The following C5AR2 variants were observed in gnomAD, a reference collection of about 807,000 sequenced individuals.
C5AR2 encodes the protein complement C5a receptor 2, also known as C5a anaphylatoxin chemotactic receptor 2.
For missense variants in C5AR2, 458 were observed against 467.5 expected (o/e 0.98, Z 0.19); for synonymous variants, 224 against 216.5 (o/e 1.03, Z -0.30).
At chr19:47,333,336 A>G (rs906977639) in intron 1 of C5AR2, among the ~76,000 whole-genome samples, 1 of 152,012 alleles carries the variant, frequency 6.6e-6, no homozygotes, top group Non-Finnish European at 1.5e-5. Context: ...ATCTGTCCAC[A>G]TTCTTGTGTG....
intron 1 of C5AR2, among the ~76,000 whole-genome samples, chr19:47,338,689 T>TAATAATAATAATAAC (rs1555808685): frequency 1.4e-5 from 2 of 141,612 alleles, no homozygotes; most frequent in Non-Finnish European, 3.1e-5. Flanking sequence ...ATAATAATAA[T>TAATAATAATAATAAC]TAATCAGGCA....
intron 1 of C5AR2, among the ~76,000 whole-genome samples, chr19:47,337,964 C>T (rs1342010644): frequency 2.0e-5 from 3 of 151,452 alleles, no homozygotes; most frequent in Non-Finnish European, 4.4e-5. Context: ...ATCCCAGCTA[C>T]TCGGGAGGCT....
intron 1 of C5AR2, among the ~76,000 whole-genome samples, chr19:47,338,629 C>A (rs951855853): frequency 4.8e-5 from 7 of 145,292 alleles, no homozygotes; most frequent in African/African-American, 1.8e-4. Context: ...CCAGCATGGG[C>A]AACATGGTGA....
rs761046831 is a variant in C5AR2, at chr19:47,346,349, C to A, written c.*4536C>A. 4.6e-5 allele frequency: 7 copies of A among 152,068 alleles called. No homozygotes were observed. Among genetic ancestry groups the A allele is most frequent in the Non-Finnish European group, 8.8e-5 (6 of 68,018 alleles). 9.4% of individuals were successfully genotyped at this position (152,068 alleles called of 1,614,324 possible). A position where few individuals can be genotyped will look rare whatever the true frequency, so the allele number is the denominator to read the frequency against. ...ATTTCTGCATAAACTGCCCCTTAATCTACATGTAATTAAAAATAGGTATAG... is the reference window on the plus strand; with the variant it reads ...ATTTCTGCATAAACTGCCCCTTAATATACATGTAATTAAAAATAGGTATAG... On this transcript the variant is annotated 3_prime_UTR_variant, in exon 2 of 2. Transcript: ENST00000595464.
chr19:47,333,288 A>T lies in C5AR2; in HGVS notation c.-16+939A>T, dbSNP rs566119838. 2.6e-5 allele frequency among the ~76,000 whole-genome samples: 4 copies of T among 152,272 alleles called. No homozygotes were observed. The East Asian group carries it at 7.7e-4, about 29-fold the overall frequency. On this transcript the variant is annotated intron_variant, in intron 1 of 1. Coordinates refer to ENST00000595464, the MANE Select transcript of C5AR2 (RefSeq NM_001271749.2). ...CCAAAGTGCTGGGATTACAGGCGTG[A>T]ATCACCGTGCCTGGCCCCCTCAATG...
chr19:47,336,505 CTTTCTTTT>C (rs1242229684), intron 1 of C5AR2, among the ~76,000 whole-genome samples: 3 of 142,240 alleles, frequency 2.1e-5, no homozygotes, highest in East Asian at 2.1e-4. Context: ...TTCTTTCTTT[CTTTCTTTT>C]TCTTTCTTTC....
intron 1 of C5AR2, among the ~76,000 whole-genome samples, chr19:47,333,724 G>A (rs1433285695): frequency 3.3e-5 from 5 of 151,572 alleles, no homozygotes; most frequent in South Asian, 4.2e-4. Flanking sequence ...GACTACAGGC[G>A]CCCGCCACCG....
rs888658240 is a variant in C5AR2 at position 47,343,349 on chromosome 19, A to G, written c.*1536A>G. 5.9e-5 allele frequency: 9 copies of G among 152,120 alleles called. No individual in the cohort carries two copies. Among genetic ancestry groups the G allele is most frequent in the African/African-American group, 1.9e-4 (8 of 41,412 alleles). The allele number at this position is 152,120 out of a possible 1,614,324, so 9.4% of individuals were successfully genotyped here. A position where few individuals can be genotyped will look rare whatever the true frequency, so the allele number is the denominator to read the frequency against. On this transcript the variant is annotated 3_prime_UTR_variant, in exon 2 of 2. Transcript: ENST00000595464. ...TACATTTGTATTGTTTTAAGTCACT[A>G]TGTTTGGGGTGATTTGTTATAGCAG...
In C5AR2 at chr19:47,341,767, G is replaced by T. The variant is rs150599989; in HGVS notation, c.968G>T (p.Ser323Ile). The change falls in exon 2 of 2, where the codon AGC becomes ATC. Residue 323 changes from serine (S) to isoleucine (I), a missense_variant. Physicochemically the swap from Ser to Ile is moderately radical, Grantham distance 142 (BLOSUM62 -2). Coordinates refer to ENST00000595464, the MANE Select transcript of C5AR2 (RefSeq NM_001271749.2). This position sits in a 1 kb window ranked among gnomAD's most constrained non-coding sequence, Gnocchi z 4.6. ...CAGGGCCAGGACGAAAGTGTGGACA[G>T]CAAGAAATCCACCAGCCATGACCTG... ...ESQGQDESVD[S>I]KKSTSHDLVS... is the part of the protein sequence containing the mutation. 80 of 1,613,446 alleles carry T rather than the reference G, an allele frequency of 5.0e-5. 4 individuals are homozygous for T. In the Middle Eastern group the frequency reaches 5.1e-3, roughly 103 times the overall value.
intron 1 of C5AR2, among the ~76,000 whole-genome samples, chr19:47,335,143 C>T (rs1184579616): frequency 6.6e-6 from 1 of 151,802 alleles, no homozygotes; most frequent in Admixed American, 6.6e-5. Flanking sequence ...GATCCGTCTG[C>T]CTAGGACTCC....
chr19:47,333,018 T>C (rs1434542378), intron 1 of C5AR2, among the ~76,000 whole-genome samples: 1 of 151,982 alleles, frequency 6.6e-6, no homozygotes. Context: ...CTCTCTTTCT[T>C]TCTTTTGACA....
intron 1 of C5AR2, among the ~76,000 whole-genome samples, chr19:47,332,765 G>C (rs915498989): frequency 6.6e-6 from 1 of 152,020 alleles, no homozygotes; most frequent in Non-Finnish European, 1.5e-5. Flanking sequence ...TGTTGGTCAG[G>C]CTGGTCTCGA....
At position 47,346,120 on chromosome 19, in the gene C5AR2, C is replaced by G. The variant is rs938238071; in HGVS notation, c.*4307C>G. 3.9e-5 allele frequency: 6 copies of G among 152,006 alleles called. No homozygotes were observed. The highest frequency in any genetic ancestry group is 2.0e-4 in the Admixed American group (3 of 15,248). 9.4% of individuals were successfully genotyped at this position (152,006 alleles called of 1,614,324 possible). The stretch of plus-strand genomic sequence containing the variant: ...AGCCAGGCTGGTCTTGAACTCCTGA[C>G]TCAGGTGATCTGCCCACCTCGGCCT... On this transcript the variant is annotated 3_prime_UTR_variant, in exon 2 of 2. Transcript: ENST00000595464.
In C5AR2 at chr19:47,336,472, CCTTCCTTCCTTCCTTCCTTTCTTT is replaced by C. The variant is rs1568668391; in HGVS notation, c.-16+4127_-16+4150del. Among the ~76,000 whole-genome samples the C allele has an allele frequency of 1.6e-3, 143 of 90,624 alleles. 1 individual carries two copies. The highest frequency in any genetic ancestry group is 2.6e-3 in the African/African-American group (59 of 22,372). The allele number at this position is 90,624 out of a possible 152,430, so 59.5% of individuals were successfully genotyped here. ...TCCTTCCTTCCTTCCTTCCTTCCTT[CCTTCCTTCCTTCCTTCCTTTCTTT>C]CTTTCTTTCTTTCTTTTTCTTTCTT... is the stretch of plus-strand genomic sequence containing the variant. On this transcript the variant is annotated intron_variant, in intron 1 of 1. Transcript: ENST00000595464.
chr19:47,336,451 TC>T (rs2059358284), intron 1 of C5AR2, among the ~76,000 whole-genome samples: 2 of 112,002 alleles, frequency 1.8e-5, no homozygotes, highest in Non-Finnish European at 1.8e-5. Flanking sequence ...CTTCCTTCCT[TC>T]CTTCCTTCCT....
chr19:47,333,664 C>T (rs7253359), intron 1 of C5AR2, among the ~76,000 whole-genome samples: 146,643 of 149,606 alleles, frequency 0.98, 71,888 homozygotes, highest in East Asian at 1. Flanking sequence ...CTGCAACCTC[C>T]GCCTCCTGGG....
intron 1 of C5AR2, among the ~76,000 whole-genome samples, chr19:47,335,161 T>C (rs2059352725): frequency 6.6e-6 from 1 of 151,874 alleles, no homozygotes; most frequent in African/African-American, 2.4e-5. Context: ...TCCCAAAGCG[T>C]TGGGATTACA....
intron 1 of C5AR2, chr19:47,336,990 A>G (rs989184463): frequency 7.9e-5 from 11 of 139,630 alleles, no homozygotes; most frequent in African/African-American, 2.9e-4. Flanking sequence ...AGTGCTGAGC[A>G]GTGCCAGCCA....
chr19:47,335,545 G>T (rs1371577809), intron 1 of C5AR2, among the ~76,000 whole-genome samples: 1 of 151,442 alleles, frequency 6.6e-6, no homozygotes, highest in African/African-American at 2.4e-5. Context: ...GGCCGAGGTG[G>T]GCGGATCATG....
Sources: allele counts gnomAD v4.1 joint callset (sites outside exome capture counted in the v4.1 genomes callset), GRCh38; gene constraint gnomAD v4.1.1; non-coding constraint Gnocchi (gnomAD v3.1); transcripts MANE v1.5; gene names NCBI Gene and HGNC (gene_info 2026-07-23, HGNC 2026-07-21).